Variants in SAR1B observed in about 807,000 individuals in gnomAD.
The protein encoded by SAR1B is small COPII coat GTPase SAR1B.
In SAR1B, 23 loss-of-function variants were observed where a neutral mutation model predicts 26.8. The observed-to-expected ratio is 0.86, with a 90% CI of 0.62 to 1.22. The LOEUF (loss-of-function observed/expected upper bound fraction) is 1.22. Ranked by LOEUF, SAR1B falls within the 50% of genes most tolerant of loss-of-function variation. SAR1B has a pLI of 0.00. For synonymous variants in SAR1B, 65 were observed against 80.8 expected, an observed-to-expected ratio of 0.80 and a Z score of 1.05; for missense variants, 196 against 232.8, an observed-to-expected ratio of 0.84 and a Z score of 1.03.
At chr5:134,608,784 T>C (rs1442841075) in intron 5 of SAR1B, among the ~76,000 whole-genome samples, 3 of 152,202 alleles carry the variant, frequency 2.0e-5, no homozygotes, top group Non-Finnish European at 4.4e-5. Flanking sequence ...ACAGATGTGG[T>C]TTCACTTCTG....
intron 3 of SAR1B, among the ~76,000 whole-genome samples, chr5:134,617,743 G>A (rs889702353): frequency 3.3e-5 from 5 of 151,784 alleles, no homozygotes; most frequent in Non-Finnish European, 7.4e-5. Context: ...ATGCAGTGGC[G>A]CCATCTTGGC....
intron 4 of SAR1B, among the ~76,000 whole-genome samples, chr5:134,610,564 C>T (rs1375247489): frequency 4.6e-5 from 3 of 65,194 alleles, no homozygotes; most frequent in South Asian, 7.5e-4. Flanking sequence ...GAGACTCCGT[C>T]TCAAAAAAAA....
intron 1 of SAR1B, among the ~76,000 whole-genome samples, chr5:134,625,333 A>T (rs1765476619): frequency 6.6e-6 from 1 of 152,160 alleles, no homozygotes; most frequent in African/African-American, 2.4e-5. Flanking sequence ...AGTGCTCAAC[A>T]TGGAGTGACT....
intron 2 of SAR1B, among the ~76,000 whole-genome samples, chr5:134,622,689 C>T (rs897661676): frequency 6.6e-4 from 100 of 151,426 alleles, no homozygotes; most frequent in African/African-American, 2.2e-3. Context: ...GGATTACAGG[C>T]GTGAGCCACC....
At position 134,606,942 on chromosome 5, in the gene SAR1B, A is replaced by G; in HGVS notation, c.*8T>C. On this transcript the variant is annotated 3_prime_UTR_variant, in exon 7 of 7. Transcript: ENST00000402673. ...AACGTTGAGACCTGGAACCAATGTG[A>G]GTTTGTGTTAATCAATGTACTGTGC... The G allele has an allele frequency of 6.3e-7, 1 of 1,575,564 alleles. No homozygotes were observed. Among genetic ancestry groups the G allele is most frequent in the Non-Finnish European group, 8.7e-7 (1 of 1,144,784 alleles).
chr5:134,620,522 G>T (rs1016357443), intron 3 of SAR1B, among the ~76,000 whole-genome samples: 1 of 152,048 alleles, frequency 6.6e-6, no homozygotes, highest in Non-Finnish European at 1.5e-5. Flanking sequence ...TTAGGAACAG[G>T]TCAAATCACC....
intron 2 of SAR1B, among the ~76,000 whole-genome samples, chr5:134,622,747 C>A (rs1168867916): frequency 3.3e-5 from 5 of 151,152 alleles, no homozygotes; most frequent in African/African-American, 1.2e-4. Flanking sequence ...TATAAAGAGG[C>A]TCAACACAAA....
rs1023493257 is a variant in SAR1B, at chr5:134,608,492, T to G, written c.360A>C (p.Thr120=). The change falls in exon 6 of 7, where the codon ACA becomes ACC. Residue 120 remains threonine, a synonymous_variant. Transcript: ENST00000402673. The stretch of plus-strand genomic sequence containing the variant: ...TAGGCACATTAGCAATGGTTTCATC[T>G]GTCATTAGTGACTGAAAAAAACAAA... ...ESKEELDSLM[T]DETIANVPIL... is the part of the protein sequence containing the mutation. 7 of 1,612,112 alleles carry G rather than the reference T, an allele frequency of 4.3e-6. No homozygotes were observed. Among genetic ancestry groups the G allele is most frequent in the Middle Eastern group, 3.3e-4 (2 of 6,082 alleles).
chr5:134,624,980 A>C (rs1027527784), intron 1 of SAR1B, among the ~76,000 whole-genome samples: 6 of 152,126 alleles, frequency 3.9e-5, no homozygotes, highest in Non-Finnish European at 8.8e-5. Flanking sequence ...TGATAAACTA[A>C]AGAGAAGGAG....
chr5:134,622,569 CCTGT>C (rs1468515136), intron 2 of SAR1B, among the ~76,000 whole-genome samples: 1 of 151,582 alleles, frequency 6.6e-6, no homozygotes, highest in African/African-American at 2.4e-5. Context: ...TGCCACCATG[CCTGT>C]CTAATTTTTT....
intron 3 of SAR1B, chr5:134,614,033 A>G (rs994657769): frequency 2.6e-5 from 4 of 152,168 alleles, no homozygotes; most frequent in Admixed American, 1.3e-4. Context: ...CAGGCTGGGC[A>G]TGGTAGCTCA....
In SAR1B at chr5:134,604,006, C is replaced by A. The variant is rs1765088794; in HGVS notation, c.*2944G>T. On this transcript the variant is annotated 3_prime_UTR_variant, in exon 7 of 7. Transcript: ENST00000402673. ...CTCATACAAAGATACTGGTTTAAACCAACAGTGAATAATTTTTTTTCATAT... is the reference window on the plus strand; with the variant it reads ...CTCATACAAAGATACTGGTTTAAACAAACAGTGAATAATTTTTTTTCATAT... 6.6e-6 allele frequency: 1 copy of A among 152,034 alleles called. No individual in the cohort carries two copies. Among genetic ancestry groups the A allele is most frequent in the Non-Finnish European group, 1.5e-5 (1 of 68,004 alleles). 9.4% of individuals were successfully genotyped at this position (152,034 alleles called of 1,614,324 possible). A position where few individuals can be genotyped will look rare whatever the true frequency, so the allele number is the denominator to read the frequency against.
chr5:134,628,884 G>C (rs1245376574), intron 1 of SAR1B, among the ~76,000 whole-genome samples: 1 of 151,912 alleles, frequency 6.6e-6, no homozygotes, highest in Non-Finnish European at 1.5e-5. Context: ...TTGAACTCCT[G>C]ACCTCGAGAT....
intron 5 of SAR1B, chr5:134,609,181 G>A: frequency 2.2e-6 from 1 of 444,598 alleles, no homozygotes; most frequent in Non-Finnish European, 4.5e-6. Flanking sequence ...GCTCACTCCT[G>A]GGAGTAGTGT....
chr5:134,620,375 C>T (rs1455662919), intron 3 of SAR1B, among the ~76,000 whole-genome samples: 1 of 152,022 alleles, frequency 6.6e-6, no homozygotes, highest in East Asian at 1.9e-4. Flanking sequence ...ATTTACCAAT[C>T]ATGTCACAAT....
rs1041474166 is a variant in SAR1B at position 134,604,031 on chromosome 5, T to C, written c.*2919A>G. 34 of 152,342 alleles carry C rather than the reference T, an allele frequency of 2.2e-4. No homozygotes were observed. The highest frequency in any genetic ancestry group is 2.0e-3 in the Admixed American group (30 of 15,304). 9.4% of individuals were successfully genotyped at this position (152,342 alleles called of 1,614,324 possible). On this transcript the variant is annotated 3_prime_UTR_variant, in exon 7 of 7. Coordinates refer to ENST00000402673, the MANE Select transcript of SAR1B (RefSeq NM_016103.4). ...CAACAGTGAATAATTTTTTTTCATA[T>C]ACTTTAGGAAATGTCTGTTCTCCAA... is the stretch of plus-strand genomic sequence containing the variant.
Position 134,607,056 on chromosome 5 carries a change from G to C in SAR1B, c.491C>G (p.Ser164Cys). ...GGGTCGGGCATTCAGTTCTTTCAGA[G>C]ATATACTCCCCTAGAATAGAAGAGA... The part of the protein sequence containing the change: ...YGQTTGKGSI[S>C]LKELNARPLE... Residue 164 changes from serine (S) to cysteine (C), a missense_variant, in exon 7 of 7, where the codon TCT becomes TGT. Transcript: ENST00000402673. 6.2e-7 allele frequency: 1 copy of C among 1,600,580 alleles called. No individual in the cohort carries two copies. The highest frequency in any genetic ancestry group is 2.2e-5 in the East Asian group (1 of 44,822).
intron 3 of SAR1B, chr5:134,614,482 C>G (rs1373575): frequency 0.98 from 149,243 of 152,368 alleles, 73,173 homozygotes; most frequent in Middle Eastern, 1. Flanking sequence ...CAGTTTTTAA[C>G]ATTTGTTAGA....
intron 1 of SAR1B, among the ~76,000 whole-genome samples, chr5:134,630,613 T>G (rs1765583978): frequency 6.6e-6 from 1 of 150,942 alleles, no homozygotes; most frequent in Non-Finnish European, 1.5e-5. Context: ...TGAAACCCCA[T>G]CTCTACTAAA....
Sources: gnomAD v4.1 joint callset for allele counts (sites outside exome capture counted in the v4.1 genomes callset) on GRCh38, gnomAD v4.1.1 for gene constraint, MANE v1.5 for transcripts, NCBI Gene and HGNC (gene_info 2026-07-23, HGNC 2026-07-21) for gene names.